PID1: variants seen among roughly 807,000 people sequenced by gnomAD.
PID1 encodes phosphotyrosine interaction domain containing 1.
A neutral mutation model predicts 19.1 loss-of-function variants in PID1; 10 were observed. That is an observed-to-expected ratio of 0.52 (90% CI 0.32 to 0.89). The LOEUF is 0.89. Ranked by LOEUF, PID1 falls within the 40% of genes least tolerant of loss-of-function variation. PID1 has a pLI of 0.03. For synonymous variants in PID1, 130 were observed against 116.0 expected (o/e 1.12, Z -0.78); for missense variants, 248 against 285.3 (o/e 0.87, Z 0.94).
intron 1 of PID1, 107 bp from the exon 2 acceptor site, chr2:229,156,071 T>C: frequency 1.0e-6 from 1 of 960,284 alleles, no homozygotes; most frequent in South Asian, 1.6e-5. Context: ...CTCTGTTCTA[T>C]TAGGGGAGGC....
At chr2:229,140,487 G>GCACA (rs76485938) in intron 2 of PID1, among the ~76,000 whole-genome samples, 47,319 of 151,112 alleles carry the variant, frequency 0.31, 7,419 homozygotes, top group Middle Eastern at 0.35. Flanking sequence ...TTAAAAGAGT[G>GCACA]CACACACACA....
At chr2:229,096,208 T>C (rs555200944) in intron 2 of PID1, among the ~76,000 whole-genome samples, 1 of 152,326 alleles carries the variant, frequency 6.6e-6, no homozygotes, top group South Asian at 2.1e-4. Context: ...GTAAATATCA[T>C]GTACTTATCT....
At chr2:229,144,687 T>C (rs1323792383) in intron 2 of PID1, among the ~76,000 whole-genome samples, 1 of 152,094 alleles carries the variant, frequency 6.6e-6, no homozygotes, top group Non-Finnish European at 1.5e-5. Context: ...AAATATTATC[T>C]ATCATAATGG....
At chr2:229,231,651 T>G (rs1692211889) in intron 1 of PID1, among the ~76,000 whole-genome samples, 1 of 152,080 alleles carries the variant, frequency 6.6e-6, no homozygotes, top group South Asian at 2.1e-4. Flanking sequence ...GTGTGTGGCT[T>G]TGGAGTCACT....
chr2:229,144,215 C>CA (rs1690078099), intron 2 of PID1, among the ~76,000 whole-genome samples: 1 of 151,614 alleles, frequency 6.6e-6, no homozygotes, highest in Non-Finnish European at 1.5e-5. Flanking sequence ...AGGAGTAAAG[C>CA]AAAAAAGGGG....
intron 1 of PID1, among the ~76,000 whole-genome samples, chr2:229,268,325 G>A (rs1409872212): frequency 2.0e-5 from 3 of 152,272 alleles, no homozygotes; most frequent in Non-Finnish European, 2.9e-5. Context: ...CCTGAGCAAC[G>A]GAGCCAGTTG....
rs374089128 is a variant in PID1, at chr2:229,155,019, T to C, written c.177+799A>G. ...AATGCTTTTTCTGGATTCTGAGGCATGAATATTAGTATAAATTTTGAGAGC... is the reference window on the plus strand; with the variant it reads ...AATGCTTTTTCTGGATTCTGAGGCACGAATATTAGTATAAATTTTGAGAGC... On this transcript the variant is annotated intron_variant, in intron 2 of 2. Transcript: ENST00000392055. Among the ~76,000 whole-genome samples the C allele has an allele frequency of 4.6e-5, 7 of 152,204 alleles. No individual in the cohort carries two copies. The East Asian group carries it at 5.8e-4, about 13-fold the overall frequency.
At chr2:229,228,020 T>C (rs907103862) in intron 1 of PID1, 1 of 455,860 alleles carries the variant, frequency 2.2e-6, no homozygotes, top group African/African-American at 2.0e-5. Flanking sequence ...TCCCCAGGGA[T>C]ACTGAGGGAC....
intron 1 of PID1, among the ~76,000 whole-genome samples, chr2:229,231,429 C>G (rs142188145): frequency 1.1e-4 from 17 of 152,204 alleles, no homozygotes; most frequent in African/African-American, 3.9e-4. Flanking sequence ...TTCTGGGAAT[C>G]TACCATCACA....
Position 229,025,418 on chromosome 2 carries a change from C to G in PID1, c.*214G>C, listed in dbSNP as rs1344618402. 7.0e-6 allele frequency: 4 copies of G among 571,122 alleles called. No homozygotes were observed. The highest frequency in any genetic ancestry group is 1.2e-5 in the Non-Finnish European group (4 of 320,338). 35.4% of individuals were successfully genotyped at this position (571,122 alleles called of 1,614,324 possible). A position where few individuals can be genotyped will look rare whatever the true frequency, so the allele number is the denominator to read the frequency against. ...CCTTCCTCCCCATCCACACTCCCAC[C>G]CTCCTCACAGTCACAGCAGCAGCAG... On this transcript the variant is annotated 3_prime_UTR_variant, in exon 3 of 3. Transcript: ENST00000392055.
At chr2:229,197,378 C>T (rs1375241998) in intron 1 of PID1, among the ~76,000 whole-genome samples, 1 of 151,896 alleles carries the variant, frequency 6.6e-6, no homozygotes, top group Non-Finnish European at 1.5e-5. Context: ...GAAATCACAC[C>T]TTCTATCCAG....
At chr2:229,069,525 G>A (rs778201762) in intron 2 of PID1, among the ~76,000 whole-genome samples, 26 of 152,168 alleles carry the variant, frequency 1.7e-4, no homozygotes, top group Non-Finnish European at 3.7e-4. Flanking sequence ...CAACAAGAAA[G>A]TACTTGGTGG....
chr2:229,113,603 T>TGC (rs1416460298), intron 2 of PID1, among the ~76,000 whole-genome samples: 10 of 147,298 alleles, frequency 6.8e-5, no homozygotes, highest in South Asian at 4.3e-4. Context: ...TATATGTGTG[T>TGC]GTGTGTGTGT....
chr2:229,086,364 C>A (rs144630450), intron 2 of PID1, among the ~76,000 whole-genome samples: 1 of 152,228 alleles, frequency 6.6e-6, no homozygotes, highest in African/African-American at 2.4e-5. Flanking sequence ...ACAAGGCCTG[C>A]TTTATAATAA....
At chr2:229,056,895 T>C (rs1219634568) in intron 2 of PID1, among the ~76,000 whole-genome samples, 2 of 152,206 alleles carry the variant, frequency 1.3e-5, no homozygotes, top group African/African-American at 2.4e-5. Context: ...CAGGATCACC[T>C]GGTCCTTATG....
intron 2 of PID1, among the ~76,000 whole-genome samples, chr2:229,149,217 G>T (rs963913796): frequency 6.6e-6 from 1 of 151,754 alleles, no homozygotes; most frequent in Non-Finnish European, 1.5e-5. Flanking sequence ...ATGTGATGAG[G>T]GTGGTCACAT....
intron 2 of PID1, among the ~76,000 whole-genome samples, chr2:229,072,430 A>T (rs13386506): frequency 0.094 from 14,335 of 152,008 alleles, 879 homozygotes; most frequent in East Asian, 0.15. Context: ...CTACTAAAAG[A>T]TACAAAAATT....
intron 2 of PID1, among the ~76,000 whole-genome samples, chr2:229,069,143 T>TTTTTTG (rs369977117): frequency 3.5e-4 from 49 of 140,704 alleles, no homozygotes; most frequent in African/African-American, 1.3e-3. Context: ...AGAAGGGTTT[T>TTTTTTG]TGTGTGTGTG....
chr2:229,160,064 C>A (rs1690460823), intron 1 of PID1, among the ~76,000 whole-genome samples: 1 of 152,200 alleles, frequency 6.6e-6, no homozygotes, highest in African/African-American at 2.4e-5. Context: ...TCTCCCCTGT[C>A]TGCCATTTTC....
Sources: allele counts gnomAD v4.1 joint callset (sites outside exome capture counted in the v4.1 genomes callset), GRCh38; gene constraint gnomAD v4.1.1; transcripts MANE v1.5; gene names NCBI Gene and HGNC (gene_info 2026-07-23, HGNC 2026-07-21).